SYT14: variants seen among roughly 807,000 people sequenced by gnomAD.
The protein encoded by SYT14 is synaptotagmin-14.
A neutral mutation model predicts 74.2 loss-of-function variants in SYT14; 32 were observed. The observed-to-expected ratio is 0.43, with a 90% CI of 0.33 to 0.58. The LOEUF is 0.58. Among genes scored for constraint, SYT14 ranks in the 20% least tolerant of loss-of-function variants. The probability of loss-of-function intolerance (pLI) is 0.05; values close to 1 mark genes in which losing one functional copy is unlikely to be tolerated. For synonymous variants in SYT14, 298 were observed against 337.7 expected, an observed-to-expected ratio of 0.88 and a Z score of 1.29; for missense variants, 791 against 981.8, an observed-to-expected ratio of 0.81 and a Z score of 2.60.
intron 4 of SYT14, chr1:210,017,217 C>T: frequency 3.0e-6 from 2 of 659,578 alleles, no homozygotes; most frequent in Non-Finnish European, 4.3e-6. Flanking sequence ...TTAAGACTTT[C>T]TTGAATCCTT....
intron 5 of SYT14, among the ~76,000 whole-genome samples, chr1:210,042,538 A>G (rs931393038): frequency 1.3e-5 from 2 of 152,204 alleles, no homozygotes; most frequent in African/African-American, 4.8e-5. Context: ...ATTTTTGTAT[A>G]AGGTGTAAGG....
At chr1:210,056,353 G>A (rs974509604) in intron 5 of SYT14, among the ~76,000 whole-genome samples, 13 of 151,968 alleles carry the variant, frequency 8.6e-5, no homozygotes, top group Non-Finnish European at 1.8e-4. Context: ...TTTTAAACAT[G>A]TTTTTCATTA....
intron 5 of SYT14, among the ~76,000 whole-genome samples, chr1:210,052,009 T>G (rs2081005833): frequency 6.6e-6 from 1 of 152,230 alleles, no homozygotes; most frequent in South Asian, 2.1e-4. Flanking sequence ...TTTTTGCATA[T>G]GTATAGTCAA....
chr1:210,013,695 C>T (rs1295784068), exon 3 of SYT14: 2 of 1,612,900 alleles, frequency 1.2e-6, no homozygotes, highest in Admixed American at 1.7e-5. Flanking sequence ...GATGCTGCTC[C>T]TTTTTCTCTA....
intron 5 of SYT14, among the ~76,000 whole-genome samples, chr1:210,077,624 T>G (rs976168760): frequency 6.6e-6 from 1 of 152,196 alleles, no homozygotes; most frequent in Admixed American, 6.5e-5. Flanking sequence ...CAAGTCAAAT[T>G]GCAGGGTCAT....
At chr1:210,144,222 T>C (rs2082982594) in intron 7 of SYT14, among the ~76,000 whole-genome samples, 1 of 152,204 alleles carries the variant, frequency 6.6e-6, no homozygotes, top group Non-Finnish European at 1.5e-5. Flanking sequence ...ATGATAACTT[T>C]GACAGCTTGC....
At chr1:210,000,501 A>ACACACACACAC (rs2079877329) in intron 2 of SYT14, among the ~76,000 whole-genome samples, 2 of 111,090 alleles carry the variant, frequency 1.8e-5, no homozygotes, top group African/African-American at 1.0e-4. Context: ...CACACACACA[A>ACACACACACAC]TCTAAGAAAA....
chr1:210,100,114 C>A, exon 7 of SYT14: 1 of 1,614,094 alleles, frequency 6.2e-7, no homozygotes. Context: ...CTATGACTCA[C>A]AAGAACAGAA....
chr1:209,999,003 C>A (rs939413004), intron 2 of SYT14, among the ~76,000 whole-genome samples: 5 of 151,970 alleles, frequency 3.3e-5, no homozygotes, highest in African/African-American at 1.2e-4. Flanking sequence ...AAAAAGACAA[C>A]ATGTTGAATG....
chr1:209,988,977 C>A, intron 2 of SYT14, among the ~76,000 whole-genome samples: 1 of 152,168 alleles, frequency 6.6e-6, no homozygotes, highest in East Asian at 1.9e-4. Flanking sequence ...TTTATCTCCT[C>A]AACACTCACC....
At chr1:209,951,120 G>A (rs2078905248) in intron 1 of SYT14, among the ~76,000 whole-genome samples, 1 of 152,122 alleles carries the variant, frequency 6.6e-6, no homozygotes, top group African/African-American at 2.4e-5. Context: ...CACCTTTTTT[G>A]TGGTGAGAAC....
At chr1:210,053,905 TA>T (rs2102388891) in intron 5 of SYT14, among the ~76,000 whole-genome samples, 1 of 152,328 alleles carries the variant, frequency 6.6e-6, no homozygotes, top group South Asian at 2.1e-4. Context: ...AGAAATAGTG[TA>T]TAGCAAGTGA....
At chr1:209,938,318 C>T (rs371639676) in intron 1 of SYT14, 41 bp downstream of exon 1, 18 of 1,539,484 alleles carry the variant, frequency 1.2e-5, no homozygotes, top group Admixed American at 1.8e-5. Flanking sequence ...ACCGGGACCA[C>T]CCAGCTGGCG....
In SYT14 at chr1:210,159,051, C is replaced by T. The variant is rs143135717; in HGVS notation, c.2225-370C>T. Among the ~76,000 whole-genome samples, 692 of 151,944 alleles carry T rather than the reference C, an allele frequency of 4.6e-3. 9 individuals carry two copies. The highest frequency in any genetic ancestry group is 6.9e-3 in the Middle Eastern group (2 of 290). ...TTAAATTGATACATTTTAAATTTAG[C>T]AATAATAGTAAGCATAATAATAATT... On this transcript the variant is annotated intron_variant, in intron 8 of 9. Coordinates refer to ENST00000637265, the Ensembl canonical transcript of SYT14.
At chr1:210,000,466 GCACACACACA>G (rs375046637) in intron 2 of SYT14, among the ~76,000 whole-genome samples, 7 of 143,096 alleles carry the variant, frequency 4.9e-5, no homozygotes, top group Admixed American at 7.0e-5. Context: ...GTCCTCATAC[GCACACACACA>G]CACACACACA....
chr1:210,109,300 C>T (rs2082215971), intron 7 of SYT14, among the ~76,000 whole-genome samples: 1 of 151,992 alleles, frequency 6.6e-6, no homozygotes, highest in Non-Finnish European at 1.5e-5. Flanking sequence ...AGAAAACAGA[C>T]CGGGCGCGTT....
At position 210,027,570 on chromosome 1, in the gene SYT14, G is replaced by A. The variant is rs115818127; in HGVS notation, c.1312+6316G>A. On this transcript the variant is annotated intron_variant, in intron 5 of 9. Coordinates refer to ENST00000637265, the Ensembl canonical transcript of SYT14. ...TGCTGTCTCATCCATCCCAGAGATGGATGAAAATCTATTCATAACTACACT... is the reference window on the plus strand; with the variant it reads ...TGCTGTCTCATCCATCCCAGAGATGAATGAAAATCTATTCATAACTACACT... 5.8e-3 allele frequency among the ~76,000 whole-genome samples: 877 copies of A among 152,174 alleles called. 5 individuals carry two copies. The highest frequency in any genetic ancestry group is 0.017 in the African/African-American group (708 of 41,534).
exon 10 of SYT14, chr1:210,167,227 T>C (rs1325979035): frequency 1.3e-5 from 2 of 152,350 alleles, no homozygotes; most frequent in East Asian, 3.9e-4. Flanking sequence ...ATGTTTGCAT[T>C]CTTGCATACA....
At chr1:210,066,184 T>C (rs930318098) in intron 5 of SYT14, among the ~76,000 whole-genome samples, 16 of 152,140 alleles carry the variant, frequency 1.1e-4, no homozygotes, top group Admixed American at 9.8e-4. Context: ...CCGCAATAAA[T>C]ATACCTGTGC....
Sources: allele counts gnomAD v4.1 joint callset (sites outside exome capture counted in the v4.1 genomes callset), GRCh38; gene constraint gnomAD v4.1.1; transcripts MANE v1.5; gene names NCBI Gene and HGNC (gene_info 2026-07-23, HGNC 2026-07-21).